The following MECOM variants were observed in gnomAD, a reference collection of about 807,000 sequenced individuals.
MECOM encodes the protein histone-lysine N-methyltransferase MECOM.
Under a neutral mutation model 116.3 loss-of-function variants are expected in MECOM, and 13 were observed. That is an observed-to-expected ratio of 0.11 (90% CI 0.07 to 0.18). The LOEUF (loss-of-function observed/expected upper bound fraction) is 0.18, where lower values mean the gene tolerates loss of function less well. Ranked by LOEUF, MECOM falls within the 10% of genes least tolerant of loss-of-function variation. MECOM has a pLI of 1.00. For missense variants in MECOM, 1,299 were observed against 1,509.0 expected (o/e 0.86, Z 2.31); for synonymous variants, 528 against 535.2 (o/e 0.99, Z 0.19).
At chr3:169,548,641 A>T (rs1000317984) in intron 1 of MECOM, among the ~76,000 whole-genome samples, 4 of 152,216 alleles carry the variant, frequency 2.6e-5, no homozygotes, top group African/African-American at 9.7e-5. Flanking sequence ...TGAAAGGGAC[A>T]ATAGAGAGGT....
chr3:169,337,515 A>T (rs1029297446), intron 2 of MECOM, among the ~76,000 whole-genome samples: 1 of 152,192 alleles, frequency 6.6e-6, no homozygotes, highest in Non-Finnish European at 1.5e-5. Flanking sequence ...AAAAAAAATA[A>T]CTGATGGCCC....
intron 2 of MECOM, among the ~76,000 whole-genome samples, chr3:169,241,604 T>C (rs1483792805): frequency 6.6e-6 from 1 of 152,150 alleles, no homozygotes; most frequent in Non-Finnish European, 1.5e-5. Flanking sequence ...CAAGTTTACC[T>C]TACTCTATCA....
In MECOM at chr3:169,222,505, T is replaced by C. The variant is rs575426541; in HGVS notation, c.376-78673A>G. ...TGTCATTAACTTTCCAAAATAAAAATGAGAGTCTGCTCTGGCAGCGGGGAA... is the reference window on the plus strand; with the variant it reads ...TGTCATTAACTTTCCAAAATAAAAACGAGAGTCTGCTCTGGCAGCGGGGAA... On this transcript the variant is annotated intron_variant, in intron 2 of 16. Transcript: ENST00000651503. 2.6e-5 allele frequency among the ~76,000 whole-genome samples: 4 copies of C among 152,264 alleles called. No homozygotes were observed. In the East Asian group the frequency reaches 7.7e-4, roughly 29 times the overall value.
At chr3:169,555,840 C>G (rs1761963164) in intron 1 of MECOM, among the ~76,000 whole-genome samples, 1 of 152,222 alleles carries the variant, frequency 6.6e-6, no homozygotes. Flanking sequence ...TCCCAACACG[C>G]AGCCTGTGTC....
chr3:169,148,422 A>G (rs1387037200), intron 2 of MECOM, among the ~76,000 whole-genome samples: 1 of 37,056 alleles, frequency 2.7e-5, no homozygotes, highest in Non-Finnish European at 1.5e-4. Context: ...GGAAGAAAGA[A>G]TACAGGGGAT....
chr3:169,456,570 G>A (rs185136984), intron 1 of MECOM, among the ~76,000 whole-genome samples: 20 of 152,288 alleles, frequency 1.3e-4, no homozygotes, highest in African/African-American at 4.6e-4. Flanking sequence ...CAGCATCCAT[G>A]TCAACTGGGA....
chr3:169,293,585 C>T (rs1236712838), intron 2 of MECOM, among the ~76,000 whole-genome samples: 2 of 152,214 alleles, frequency 1.3e-5, no homozygotes, highest in Non-Finnish European at 2.9e-5. Context: ...GCTCTAAGTA[C>T]CAAACCTTCT....
chr3:169,612,958 A>G (rs1421214376), intron 1 of MECOM, among the ~76,000 whole-genome samples: 1 of 152,220 alleles, frequency 6.6e-6, no homozygotes, highest in African/African-American at 2.4e-5. Flanking sequence ...GTTAAATGAG[A>G]AGACAGAGAA....
intron 12 of MECOM, among the ~76,000 whole-genome samples, chr3:169,096,713 T>C (rs1032286327): frequency 1.5e-4 from 23 of 152,168 alleles, no homozygotes; most frequent in Admixed American, 1.5e-3. Flanking sequence ...GTCACCCCAT[T>C]CCACTAGAGT....
intron 1 of MECOM, among the ~76,000 whole-genome samples, chr3:169,655,847 C>T (rs539000821): frequency 6.6e-6 from 1 of 152,268 alleles, no homozygotes; most frequent in African/African-American, 2.4e-5. Flanking sequence ...AACTGAAACC[C>T]ACTAAGATTT....
intron 2 of MECOM, among the ~76,000 whole-genome samples, chr3:169,291,673 T>C (rs927796032): frequency 6.6e-6 from 1 of 152,216 alleles, no homozygotes; most frequent in South Asian, 2.1e-4. Flanking sequence ...GCATCTATTA[T>C]TGAAAGTGGG....
intron 1 of MECOM, among the ~76,000 whole-genome samples, chr3:169,626,621 T>C (rs1298889095): frequency 2.6e-5 from 4 of 152,158 alleles, no homozygotes; most frequent in Admixed American, 2.6e-4. Flanking sequence ...CTCTCCCTCG[T>C]GATAGCAACA....
chr3:169,262,516 T>G lies in MECOM; in HGVS notation c.375+118671A>C, dbSNP rs77187901. ...CAGCTCTGCTTGCCCTGATAGAGAG[T>G]CGTGGGACGGAATTTGACCAATGAA... On this transcript the variant is annotated intron_variant, in intron 2 of 16. Transcript: ENST00000651503. Among the ~76,000 whole-genome samples the G allele has an allele frequency of 9.4e-3, 1,427 of 152,178 alleles. 25 individuals are homozygous for G. Among genetic ancestry groups the G allele is most frequent in the African/African-American group, 0.033 (1,360 of 41,502 alleles).
intron 1 of MECOM, among the ~76,000 whole-genome samples, chr3:169,530,899 A>C (rs75284358): frequency 8.9e-6 from 1 of 112,050 alleles, no homozygotes; most frequent in Non-Finnish European, 1.6e-5. Context: ...GATAAGCAGC[A>C]AAAAAAAAAA....
intron 2 of MECOM, among the ~76,000 whole-genome samples, chr3:169,190,455 A>C (rs765040092): frequency 7.9e-5 from 12 of 152,064 alleles, no homozygotes; most frequent in Non-Finnish European, 1.5e-4. Context: ...CTCTTGATGG[A>C]CAACTTAATA....
chr3:169,605,080 G>A (rs1175253030), intron 1 of MECOM, among the ~76,000 whole-genome samples: 1 of 152,104 alleles, frequency 6.6e-6, no homozygotes, highest in African/African-American at 2.4e-5. Flanking sequence ...CGGATGGAAG[G>A]TCAGAAAACT....
At chr3:169,095,388 T>C in intron 12 of MECOM, 143 bp from the exon 13 acceptor site, 1 of 593,862 alleles carries the variant, frequency 1.7e-6, no homozygotes. Context: ...TTCACACAAT[T>C]AAGATTTCAA....
At chr3:169,102,384 A>G (rs79129760) in intron 10 of MECOM, among the ~76,000 whole-genome samples, 158 bp from the exon 11 acceptor site, 3,304 of 152,326 alleles carry the variant, frequency 0.022, 51 homozygotes, top group Middle Eastern at 0.048. Flanking sequence ...CAACAACAGA[A>G]TTGATTTATT....
chr3:169,237,426 T>C (rs764863469), intron 2 of MECOM, among the ~76,000 whole-genome samples: 6 of 152,100 alleles, frequency 3.9e-5, no homozygotes, highest in South Asian at 4.1e-4. Context: ...TATAAAATTG[T>C]TATTTTAAGA....
Sources: gnomAD v4.1 joint callset for allele counts (sites outside exome capture counted in the v4.1 genomes callset) on GRCh38, gnomAD v4.1.1 for gene constraint, MANE v1.5 for transcripts, NCBI Gene and HGNC (gene_info 2026-07-23, HGNC 2026-07-21) for gene names.